HIGD2B: variants seen among roughly 807,000 people sequenced by gnomAD.
HIGD2B encodes HIG1 hypoxia inducible domain family member 2B.
For missense variants in HIGD2B, 106 were observed against 67.0 expected (o/e 1.58, Z -2.03); for synonymous variants, 45 against 28.1 (o/e 1.60, Z -1.90).
In HIGD2B at chr15:72,677,592, T is replaced by C. The variant is rs77457083; in HGVS notation, c.-13-1205A>G. Among the ~76,000 whole-genome samples, 742 of 151,932 alleles carry C rather than the reference T, an allele frequency of 4.9e-3. 1 individual carries two copies. Among genetic ancestry groups the C allele is most frequent in the African/African-American group, 0.017 (692 of 41,448 alleles). On this transcript the variant is annotated intron_variant, in intron 2 of 2. Coordinates refer to ENST00000311755, the MANE Select transcript of HIGD2B (RefSeq NM_001350932.3). ...GCCTGGGCAATATAGCGAGATTCTGTATCTATAAAAAATGAAAAAATTAGC... is the reference window on the plus strand; with the variant it reads ...GCCTGGGCAATATAGCGAGATTCTGCATCTATAAAAAATGAAAAAATTAGC...
Position 72,678,678 on chromosome 15 carries a change from A to G in HIGD2B, c.-14+1337T>C, listed in dbSNP as rs114807272. Among the ~76,000 whole-genome samples the G allele has an allele frequency of 3.8e-3, 573 of 152,274 alleles. 1 individual carries two copies. The highest frequency in any genetic ancestry group is 0.013 in the African/African-American group (555 of 41,552). ...ATTCCTGGGGGCAGCCAATTAAAAC[A>G]TAGAGAAATTAGAGCAACATGGTGA... On this transcript the variant is annotated intron_variant, in intron 2 of 2. Transcript: ENST00000311755.
At chr15:72,677,428 G>A (rs916015774) in intron 2 of HIGD2B, among the ~76,000 whole-genome samples, 1 of 151,454 alleles carries the variant, frequency 6.6e-6, no homozygotes, top group African/African-American at 2.4e-5. Context: ...AAGACTGCAA[G>A]GGAATAATGT....
Position 72,676,118 on chromosome 15 carries a change from T to G in HIGD2B, c.257A>C (p.Gln86Pro). 1 of 765,598 alleles carries G rather than the reference T, an allele frequency of 1.3e-6. No individual in the cohort carries two copies. Among genetic ancestry groups the G allele is most frequent in the Non-Finnish European group, 2.4e-6 (1 of 416,796 alleles). The allele number at this position is 765,598 out of a possible 1,614,324, so 47.4% of individuals were successfully genotyped here. A position where few individuals can be genotyped will look rare whatever the true frequency, so the allele number is the denominator to read the frequency against. The change falls in exon 3 of 3, where the codon CAG becomes CCG. Residue 86 changes from glutamine to proline, a missense_variant. Coordinates refer to ENST00000311755, the MANE Select transcript of HIGD2B (RefSeq NM_001350932.3). ...RLMMHTQIAA[Q>P]GFTIAAILLG... ...CAAGATGGCTGCAATGGTGAAGCCC[T>G]GGGCGGCGATCTGGGTGTGCATCAT...
intron 1 of HIGD2B, among the ~76,000 whole-genome samples, chr15:72,685,180 T>C (rs912430168): frequency 1.3e-5 from 2 of 152,214 alleles, no homozygotes; most frequent in African/African-American, 4.8e-5. Flanking sequence ...TACTTGTTTC[T>C]TCTATGTAAC....
At chr15:72,678,857 C>T (rs2150975636) in intron 2 of HIGD2B, among the ~76,000 whole-genome samples, 1 of 152,058 alleles carries the variant, frequency 6.6e-6, no homozygotes, top group East Asian at 2.0e-4. Context: ...ATTAGCTGAG[C>T]ATGGTGGCGC....
At chr15:72,677,485 G>C (rs1214764142) in intron 2 of HIGD2B, among the ~76,000 whole-genome samples, 1 of 151,856 alleles carries the variant, frequency 6.6e-6, no homozygotes, top group Non-Finnish European at 1.5e-5. Context: ...CTGGTAGGTG[G>C]GCATGGTGGC....
At chr15:72,678,358 T>C (rs2064714450) in intron 2 of HIGD2B, among the ~76,000 whole-genome samples, 1 of 152,134 alleles carries the variant, frequency 6.6e-6, no homozygotes, top group Non-Finnish European at 1.5e-5. Context: ...TTTGGTGGCA[T>C]GATCAAAACT....
At chr15:72,685,518 G>C (rs1451264707) in intron 1 of HIGD2B, among the ~76,000 whole-genome samples, 4 of 152,154 alleles carry the variant, frequency 2.6e-5, no homozygotes, top group African/African-American at 9.7e-5. Context: ...ACCGCACCGG[G>C]GGCCAGACAG....
At chr15:72,682,242 G>A (rs1490929083) in intron 1 of HIGD2B, 1 of 159,818 alleles carries the variant, frequency 6.3e-6, no homozygotes, top group African/African-American at 2.4e-5. Context: ...TGAACTGACA[G>A]TATATAAGGG....
intron 2 of HIGD2B, among the ~76,000 whole-genome samples, chr15:72,678,766 G>A (rs561399519): frequency 6.6e-6 from 1 of 152,082 alleles, no homozygotes; most frequent in Non-Finnish European, 1.5e-5. Flanking sequence ...GGGAGGTCAA[G>A]GCAGGAGGAT....
chr15:72,685,591 A>G (rs537313192), intron 1 of HIGD2B, among the ~76,000 whole-genome samples: 7 of 152,252 alleles, frequency 4.6e-5, no homozygotes, highest in Non-Finnish European at 1.0e-4. Flanking sequence ...GCCGCTATTC[A>G]GATCTATTTC....
intron 2 of HIGD2B, among the ~76,000 whole-genome samples, chr15:72,676,667 A>C (rs2064696344): frequency 6.6e-6 from 1 of 152,134 alleles, no homozygotes; most frequent in South Asian, 2.1e-4. Context: ...TGCCTGCCTT[A>C]GCCTGCCAAA....
At position 72,686,108 on chromosome 15, in the gene HIGD2B, C is replaced by G. The variant is rs1595896387; in HGVS notation, c.-483G>C. 1.9e-6 allele frequency: 2 copies of G among 1,059,832 alleles called. No individual in the cohort carries two copies. The highest frequency in any genetic ancestry group is 2.8e-6 in the Non-Finnish European group (2 of 712,220). The allele number at this position is 1,059,832 out of a possible 1,614,324, so 65.7% of individuals were successfully genotyped here. ...ATCCTCCCCCTGATTCCTTAGGTCA[C>G]TCGGCGATTTACTTCCTTCCCCCGC... On this transcript the variant is annotated 5_prime_UTR_variant, in exon 1 of 3. Coordinates refer to ENST00000311755, the MANE Select transcript of HIGD2B (RefSeq NM_001350932.3).
intron 2 of HIGD2B, among the ~76,000 whole-genome samples, chr15:72,679,569 C>T (rs907798833): frequency 2.0e-5 from 3 of 152,054 alleles, no homozygotes; most frequent in Admixed American, 1.3e-4. Context: ...GGCAACTCTT[C>T]TCTCTTACTA....
intron 1 of HIGD2B, among the ~76,000 whole-genome samples, chr15:72,684,525 T>C (rs1012109812): frequency 3.9e-5 from 6 of 152,180 alleles, no homozygotes; most frequent in East Asian, 3.9e-4. Flanking sequence ...TTTGCTCTTG[T>C]TGCCCAGGCT....
chr15:72,679,181 T>C (rs904558080), intron 2 of HIGD2B, among the ~76,000 whole-genome samples: 6 of 151,738 alleles, frequency 4.0e-5, no homozygotes, highest in African/African-American at 1.5e-4. Context: ...CTCGTTAACA[T>C]GGTGAAACCT....
At chr15:72,681,521 T>C (rs2150978020) in intron 1 of HIGD2B, among the ~76,000 whole-genome samples, 1 of 152,162 alleles carries the variant, frequency 6.6e-6, no homozygotes, top group Admixed American at 6.5e-5. Context: ...GCTAAATAAA[T>C]GTGAACTTTT....
At chr15:72,679,766 A>G (rs1232602625) in intron 2 of HIGD2B, among the ~76,000 whole-genome samples, 1 of 152,148 alleles carries the variant, frequency 6.6e-6, no homozygotes, top group African/African-American at 2.4e-5. Flanking sequence ...ATAAAAAAAA[A>G]TGTCCAACAG....
At position 72,676,262 on chromosome 15, in the gene HIGD2B, T is replaced by C. The variant is rs772516470; in HGVS notation, c.113A>G (p.Lys38Arg). The C allele has an allele frequency of 1.3e-6, 1 of 767,018 alleles. No individual in the cohort carries two copies. The highest frequency in any genetic ancestry group is 2.4e-6 in the Non-Finnish European group (1 of 417,830). The allele number at this position is 767,018 out of a possible 1,614,324, so 47.5% of individuals were successfully genotyped here. A position where few individuals can be genotyped will look rare whatever the true frequency, so the allele number is the denominator to read the frequency against. ...VYSNPEGFKE[K>R]FLRKTRENPV... is the part of the protein sequence containing the mutation. Reference sequence around the variant, plus strand: ...ATTCTCGCGGGTCTTGCGAAGGAACTTTTCCTTGAAACCCTCTGGATTGCT... The same window carrying C: ...ATTCTCGCGGGTCTTGCGAAGGAACCTTTCCTTGAAACCCTCTGGATTGCT... Residue 38 changes from lysine (K) to arginine (R), a missense_variant, in exon 3 of 3, where the codon AAG becomes AGG. By Grantham distance (26) the Lys-to-Arg change is conservative (BLOSUM62 2). Coordinates refer to ENST00000311755, the MANE Select transcript of HIGD2B (RefSeq NM_001350932.3).
Sources: gnomAD v4.1 joint callset for allele counts (sites outside exome capture counted in the v4.1 genomes callset) on GRCh38, gnomAD v4.1.1 for gene constraint, MANE v1.5 for transcripts, NCBI Gene and HGNC (gene_info 2026-07-23, HGNC 2026-07-21) for gene names.